The following SYT9 variants were observed in gnomAD, a reference collection of about 807,000 sequenced individuals.
SYT9 encodes synaptotagmin 9.
Under a neutral mutation model 48.4 loss-of-function variants are expected in SYT9, and 22 were observed. That is an observed-to-expected ratio of 0.45 (90% confidence interval 0.32 to 0.65). The LOEUF is 0.65. Ranked by LOEUF, SYT9 falls within the 30% of genes least tolerant of loss-of-function variation. The pLI, the probability that SYT9 is intolerant of heterozygous loss-of-function variation, is 0.03. For missense variants in SYT9, 577 were observed against 622.0 expected (o/e 0.93, Z 0.77); for synonymous variants, 265 against 245.0 (o/e 1.08, Z -0.76).
chr11:7,453,161 C>T (rs1464427557), intron 6 of SYT9, among the ~76,000 whole-genome samples: 2 of 151,992 alleles, frequency 1.3e-5, no homozygotes, highest in African/African-American at 2.4e-5. Context: ...GTGCCTAAGG[C>T]GGATGGATTG....
At chr11:7,453,111 C>T (rs1328527149) in intron 6 of SYT9, among the ~76,000 whole-genome samples, 1 of 151,782 alleles carries the variant, frequency 6.6e-6, no homozygotes, top group African/African-American at 2.4e-5. Context: ...TAAAATGAGG[C>T]CGGGCACCGT....
chr11:7,333,986 T>A (rs1843984), intron 3 of SYT9, among the ~76,000 whole-genome samples: 11 of 151,992 alleles, frequency 7.2e-5, no homozygotes, highest in Admixed American at 1.3e-4. Context: ...GGCAAGCGCT[T>A]CCTGTGGCAC....
chr11:7,256,133 A>G (rs1847964954), intron 1 of SYT9, among the ~76,000 whole-genome samples: 1 of 152,218 alleles, frequency 6.6e-6, no homozygotes, highest in South Asian at 2.1e-4. Context: ...AGGAACAGAA[A>G]GGAGGATTGG....
intron 1 of SYT9, among the ~76,000 whole-genome samples, chr11:7,261,818 A>G (rs1368215730): frequency 6.6e-6 from 1 of 152,174 alleles, no homozygotes; most frequent in Non-Finnish European, 1.5e-5. Context: ...GAGGTTGGCA[A>G]AAAGAGAGTA....
intron 3 of SYT9, among the ~76,000 whole-genome samples, chr11:7,363,503 T>C (rs1564877175): frequency 1.3e-5 from 2 of 152,196 alleles, no homozygotes; most frequent in African/African-American, 2.4e-5. Context: ...GTGACGCTGG[T>C]ATAGGCTGTT....
In SYT9 at chr11:7,351,396, C is replaced by CT. The variant is rs1445413633; in HGVS notation, c.1044+37455_1044+37456insT. 8.7e-4 allele frequency among the ~76,000 whole-genome samples: 132 copies of CT among 152,300 alleles called. 1 individual carries two copies. Among genetic ancestry groups the CT allele is most frequent in the African/African-American group, 3.0e-3 (126 of 41,562 alleles). ...TTTGGGCAGCCTGTCCGATGGCAGC[C>CT]ACCTAATGTAGGATGCAGTGGCAGT... is the stretch of plus-strand genomic sequence containing the variant. On this transcript the variant is annotated intron_variant, in intron 3 of 6. Coordinates refer to ENST00000318881, the MANE Select transcript of SYT9 (RefSeq NM_175733.4).
chr11:7,453,591 G>A (rs1245630786), intron 6 of SYT9, among the ~76,000 whole-genome samples: 1 of 152,206 alleles, frequency 6.6e-6, no homozygotes, highest in African/African-American at 2.4e-5. Context: ...CAAGCTGGAC[G>A]ATGCAAATAC....
At chr11:7,386,552 C>T (rs1850663846) in intron 3 of SYT9, among the ~76,000 whole-genome samples, 1 of 152,160 alleles carries the variant, frequency 6.6e-6, no homozygotes, top group African/African-American at 2.4e-5. Context: ...AAAATATGCT[C>T]ATCATCACTG....
At chr11:7,435,438 C>T (rs1590027479) in intron 6 of SYT9, 1 of 152,394 alleles carries the variant, frequency 6.6e-6, no homozygotes, top group Non-Finnish European at 1.5e-5. Context: ...TAGCTTCCTT[C>T]ACTGTCTTTA....
At chr11:7,264,732 C>T (rs770402523) in intron 1 of SYT9, among the ~76,000 whole-genome samples, 2 of 151,952 alleles carry the variant, frequency 1.3e-5, no homozygotes, top group African/African-American at 4.8e-5. Flanking sequence ...GAGAGGGGGA[C>T]AAATGATTGA....
chr11:7,264,791 G>A (rs895522671), intron 1 of SYT9, among the ~76,000 whole-genome samples: 6 of 152,054 alleles, frequency 3.9e-5, no homozygotes, highest in Non-Finnish European at 7.4e-5. Context: ...AAGTGTTATC[G>A]ACATGGATAT....
intron 3 of SYT9, among the ~76,000 whole-genome samples, chr11:7,393,509 T>C (rs1846679511): frequency 1.3e-5 from 2 of 152,110 alleles, no homozygotes; most frequent in South Asian, 4.1e-4. Flanking sequence ...TTTGCTGGTA[T>C]TTTGTTGAGG....
intron 1 of SYT9, among the ~76,000 whole-genome samples, chr11:7,293,028 A>T (rs1200074924): frequency 6.6e-6 from 1 of 152,182 alleles, no homozygotes; most frequent in Non-Finnish European, 1.5e-5. Flanking sequence ...GTCAGTGTCT[A>T]GCTTCAGCAC....
At chr11:7,350,661 A>G (rs1849897382) in intron 3 of SYT9, among the ~76,000 whole-genome samples, 1 of 152,008 alleles carries the variant, frequency 6.6e-6, no homozygotes, top group Non-Finnish European at 1.5e-5. Flanking sequence ...CTTTTCTTTC[A>G]GGTCCAATCT....
intron 3 of SYT9, among the ~76,000 whole-genome samples, chr11:7,316,952 G>A (rs1305175131): frequency 2.0e-5 from 3 of 152,202 alleles, no homozygotes; most frequent in East Asian, 3.9e-4. Flanking sequence ...TTATTCTTTT[G>A]TTTTCCTTTC....
chr11:7,272,245 CA>C (rs1848311110), intron 1 of SYT9, among the ~76,000 whole-genome samples: 1 of 152,116 alleles, frequency 6.6e-6, no homozygotes, highest in East Asian at 1.9e-4. Flanking sequence ...GTTTAGAGAT[CA>C]ATTAGTGTTA....
At chr11:7,249,191 T>C (rs543423270), upstream of SYT9, among the ~76,000 whole-genome samples, 1 of 152,364 alleles carries the variant, frequency 6.6e-6, no homozygotes, top group Admixed American at 6.5e-5. Context: ...GTTCACTCTA[T>C]AGCAGTATCT....
intron 3 of SYT9, among the ~76,000 whole-genome samples, chr11:7,367,097 T>TC (rs1850263770): frequency 7.7e-6 from 1 of 129,448 alleles, no homozygotes; most frequent in African/African-American, 3.2e-5. Flanking sequence ...TTTTTTTTTT[T>TC]TCGAGACGGA....
At chr11:7,451,574 T>A (rs1848049352) in intron 6 of SYT9, among the ~76,000 whole-genome samples, 1 of 152,144 alleles carries the variant, frequency 6.6e-6, no homozygotes, top group Non-Finnish European at 1.5e-5. Flanking sequence ...CATCCTCAGC[T>A]CCAGGAATGT....
Sources: allele counts gnomAD v4.1 joint callset (sites outside exome capture counted in the v4.1 genomes callset), GRCh38; gene constraint gnomAD v4.1.1; transcripts MANE v1.5; gene names NCBI Gene and HGNC (gene_info 2026-07-23, HGNC 2026-07-21).